Variants in KLC1 observed in about 807,000 individuals in gnomAD.
The protein encoded by KLC1 is kinesin light chain 1, also known as kinesin 2 60/70kDa.
KLC1 carries 30 observed loss-of-function variants against 84.2 expected under a neutral mutation model. The ratio of observed to expected loss-of-function variants is 0.36; its 90% CI spans 0.27 to 0.48. KLC1 has a LOEUF of 0.48. Ranked by LOEUF, KLC1 falls within the 20% of genes least tolerant of loss-of-function variation. The pLI, the probability that KLC1 is intolerant of heterozygous loss-of-function variation, is 0.99. For missense variants in KLC1, 499 were observed against 805.4 expected, an observed-to-expected ratio of 0.62 and a Z score of 4.60; for synonymous variants, 289 against 293.3, an observed-to-expected ratio of 0.99 and a Z score of 0.15.
At chr14:103,685,680 G>A in intron 13 of KLC1, 1 of 1,289,480 alleles carries the variant, frequency 7.8e-7, no homozygotes, top group South Asian at 1.2e-5. Context: ...TGCATGACGG[G>A]TGGCGCCTCC....
rs1567050861 is a variant in KLC1, at chr14:103,700,786, C to A, written c.*1+59C>A. 3.7e-6 allele frequency: 5 copies of A among 1,362,552 alleles called. No homozygotes were observed. In the Admixed American group the frequency reaches 8.6e-5, roughly 23 times the overall value. The allele number at this position is 1,362,552 out of a possible 1,614,324, so 84.4% of individuals were successfully genotyped here. A position where few individuals can be genotyped will look rare whatever the true frequency, so the allele number is the denominator to read the frequency against. ...GCAGCTGGGCCAGGGAGGGACTTTGCACATGCAGGGACTGGGGGGAGCTGG... is the reference window on the plus strand; with the variant it reads ...GCAGCTGGGCCAGGGAGGGACTTTGAACATGCAGGGACTGGGGGGAGCTGG... On this transcript the variant is annotated intron_variant, in intron 16 of 16. Transcript: ENST00000334553.
At chr14:103,695,330 T>C (rs2082368084) in intron 15 of KLC1, 1 of 517,028 alleles carries the variant, frequency 1.9e-6, no homozygotes, top group Non-Finnish European at 2.3e-6. Context: ...TATATATATG[T>C]GTGTGTGTGT....
At chr14:103,698,608 T>TC (rs971598305) in intron 15 of KLC1, 3 of 625,634 alleles carry the variant, frequency 4.8e-6, no homozygotes, top group East Asian at 2.8e-5. Context: ...AGGCAGAACA[T>TC]CCCCCCAGCT....
chr14:103,631,378 C>T (rs1447202343), intron 1 of KLC1, among the ~76,000 whole-genome samples: 1 of 151,876 alleles, frequency 6.6e-6, no homozygotes, highest in Non-Finnish European at 1.5e-5. Context: ...CCGCACCTGG[C>T]CCAAATTTAT....
intron 1 of KLC1, among the ~76,000 whole-genome samples, chr14:103,633,736 C>G (rs142358779): frequency 6.6e-6 from 1 of 152,288 alleles, no homozygotes; most frequent in South Asian, 2.1e-4. Context: ...CCAGGTGCAT[C>G]TGGAGTTCTG....
Position 103,675,538 on chromosome 14 carries a change from G to A in KLC1, c.1262-14G>A, listed in dbSNP as rs1178882772. On this transcript the variant is annotated splice_polypyrimidine_tract_variant and intron_variant, in intron 9 of 16. Transcript: ENST00000334553. Reference sequence around the variant, plus strand: ...TAAGGATGCTCAACCTGTATGCTGTGTTTTCTTCCCTAGATGAAAATAAAC... The same window carrying A: ...TAAGGATGCTCAACCTGTATGCTGTATTTTCTTCCCTAGATGAAAATAAAC... 3 of 1,609,180 alleles carry A rather than the reference G, an allele frequency of 1.9e-6. No homozygotes were observed. Among genetic ancestry groups the A allele is most frequent in the Non-Finnish European group, 2.5e-6 (3 of 1,177,418 alleles).
intron 15 of KLC1, chr14:103,699,784 A>G (rs2082975952): frequency 1.8e-5 from 11 of 609,208 alleles, no homozygotes; most frequent in East Asian, 1.4e-4. Flanking sequence ...GGCTCACACA[A>G]CTGGTTCCCT....
rs117859680 is a variant in KLC1 at position 103,674,115 on chromosome 14, A to G, written c.1261+684A>G. On this transcript the variant is annotated intron_variant, in intron 9 of 16. Coordinates refer to ENST00000334553, the MANE Select transcript of KLC1 (RefSeq NM_001394837.1). Reference sequence around the variant, plus strand: ...ATGTCCTCATTGCAGAGACCTACCCAATTCATGCAGAAATGGAAACAGGAG... The same window carrying G: ...ATGTCCTCATTGCAGAGACCTACCCGATTCATGCAGAAATGGAAACAGGAG... Among the ~76,000 whole-genome samples, 145 of 152,266 alleles carry G rather than the reference A, an allele frequency of 9.5e-4. 3 individuals are homozygous for G. The East Asian group carries it at 0.02, about 21-fold the overall frequency.
At chr14:103,685,614 T>C in intron 13 of KLC1, 2 of 1,289,290 alleles carry the variant, frequency 1.6e-6, no homozygotes, top group Non-Finnish European at 2.0e-6. Flanking sequence ...CACGTGGGTT[T>C]TCTCTCTCCT....
chr14:103,643,928 A>T (rs1162422042), intron 1 of KLC1, among the ~76,000 whole-genome samples: 1 of 145,520 alleles, frequency 6.9e-6, no homozygotes, highest in Non-Finnish European at 1.5e-5. Flanking sequence ...TAAGAAACCT[A>T]AAGTTGGCTG....
rs976107359 is a variant in KLC1, at chr14:103,694,242, G to C, written c.1848+1817G>C. ...CTGCACACGAAGCCCATAGAGACGT[G>C]TGTTTCACTTTTTTTTTTTTTTTTT... is the stretch of plus-strand genomic sequence containing the variant. On this transcript the variant is annotated intron_variant, in intron 15 of 16. Coordinates refer to ENST00000334553, the MANE Select transcript of KLC1 (RefSeq NM_001394837.1). This position sits in a 1 kb window ranked among gnomAD's most constrained non-coding sequence, Gnocchi z 4.5. The C allele has an allele frequency of 1.0e-6, 1 of 974,068 alleles. No individual in the cohort carries two copies. Among genetic ancestry groups the C allele is most frequent in the African/African-American group, 1.8e-5 (1 of 55,842 alleles). The allele number at this position is 974,068 out of a possible 1,614,324, so 60.3% of individuals were successfully genotyped here.
intron 5 of KLC1, among the ~76,000 whole-genome samples, chr14:103,665,770 A>G (rs2079728093): frequency 6.6e-6 from 1 of 152,090 alleles, no homozygotes; most frequent in Admixed American, 6.5e-5. Context: ...AATTCCTAAG[A>G]CGGGTTAGAG....
At chr14:103,668,332 G>A (rs1567026365) in intron 5 of KLC1, among the ~76,000 whole-genome samples, 1 of 152,194 alleles carries the variant, frequency 6.6e-6, no homozygotes, top group African/African-American at 2.4e-5. Context: ...GTAGTGTGGG[G>A]ACATTATCTT....
chr14:103,680,024 A>G (rs4900589), intron 13 of KLC1, among the ~76,000 whole-genome samples: 93,069 of 152,110 alleles, frequency 0.61, 29,631 homozygotes, highest in Non-Finnish European at 0.72. Flanking sequence ...AAGAGCTTAC[A>G]TGGCTGCTCT....
At chr14:103,676,857 AAAT>A (rs2080931597) in intron 11 of KLC1, among the ~76,000 whole-genome samples, 1 of 152,070 alleles carries the variant, frequency 6.6e-6, no homozygotes, top group Middle Eastern at 3.2e-3. Context: ...ACAGTTTGAA[AAAT>A]AAGAAAGAAA....
intron 14 of KLC1, among the ~76,000 whole-genome samples, chr14:103,690,464 T>C (rs1595569378): frequency 1.3e-5 from 2 of 152,220 alleles, no homozygotes; most frequent in African/African-American, 4.8e-5. Flanking sequence ...GTATCTGCCA[T>C]GTGCCAGGCG....
chr14:103,695,255 G>C lies in KLC1; in HGVS notation c.1848+2830G>C, dbSNP rs1037220992. On this transcript the variant is annotated intron_variant, in intron 15 of 16. Coordinates refer to ENST00000334553, the MANE Select transcript of KLC1 (RefSeq NM_001394837.1). The stretch of plus-strand genomic sequence containing the variant: ...GAGGCGGGAGGATCACTTGAGCCCA[G>C]TTCAAGAACAGCTTGGGCAACACAG... The C allele has an allele frequency of 7.3e-6, 5 of 681,744 alleles. No homozygotes were observed. The African/African-American group carries it at 9.9e-5, about 13-fold the overall frequency. 42.2% of individuals were successfully genotyped at this position (681,744 alleles called of 1,614,324 possible). A position where few individuals can be genotyped will look rare whatever the true frequency, so the allele number is the denominator to read the frequency against.
In KLC1 at chr14:103,701,307, C is replaced by T; in HGVS notation, c.*108C>T. On this transcript the variant is annotated 3_prime_UTR_variant, in exon 17 of 17. Transcript: ENST00000334553. ...GGGCCCCTGGCCGGGAGCCGCAGCG[C>T]TCACTCATTTCTCCTGCGTCTGTGT... 2 of 1,214,822 alleles carry T rather than the reference C, an allele frequency of 1.6e-6. No homozygotes were observed. Among genetic ancestry groups the T allele is most frequent in the Middle Eastern group, 2.1e-4 (1 of 4,798 alleles). The allele number at this position is 1,214,822 out of a possible 1,614,324, so 75.3% of individuals were successfully genotyped here.
intron 13 of KLC1, chr14:103,685,943 C>T (rs963179523): frequency 1.1e-5 from 12 of 1,122,548 alleles, no homozygotes; most frequent in African/African-American, 1.6e-5. Context: ...ACTTTGGTAA[C>T]AGGTAGTTAA....
Sources: allele counts gnomAD v4.1 joint callset (sites outside exome capture counted in the v4.1 genomes callset), GRCh38; gene constraint gnomAD v4.1.1; non-coding constraint Gnocchi (gnomAD v3.1); transcripts MANE v1.5; gene names NCBI Gene and HGNC (gene_info 2026-07-23, HGNC 2026-07-21).